PKNOX2: variants seen among roughly 807,000 people sequenced by gnomAD.
PKNOX2 encodes the protein PBX/knotted 1 homeobox 2.
Under a neutral mutation model 53.1 loss-of-function variants are expected in PKNOX2, and 14 were observed. The observed-to-expected ratio is 0.26, with a 90% confidence interval of 0.17 to 0.41. The LOEUF (loss-of-function observed/expected upper bound fraction) is 0.41, where lower values mean the gene tolerates loss of function less well. Among genes scored for constraint, PKNOX2 ranks in the 10% least tolerant of loss-of-function variants. PKNOX2 has a pLI of 1.00. For missense variants in PKNOX2, 496 were observed against 602.8 expected (o/e 0.82, Z 1.85); for synonymous variants, 257 against 242.8 (o/e 1.06, Z -0.54).
intron 1 of PKNOX2, among the ~76,000 whole-genome samples, chr11:125,170,664 C>T (rs1310298303): frequency 2.6e-5 from 4 of 152,208 alleles, no homozygotes; most frequent in African/African-American, 4.8e-5. Flanking sequence ...ACAAGAAGGA[C>T]GTTTCTGCTA....
At chr11:125,168,762 C>T (rs1212152624) in intron 1 of PKNOX2, among the ~76,000 whole-genome samples, 6 of 152,180 alleles carry the variant, frequency 3.9e-5, no homozygotes, top group Non-Finnish European at 7.3e-5. Context: ...CAACGTGCAA[C>T]GTAAACAGCA....
rs1340633049 is a variant in PKNOX2, at chr11:125,257,182, G to C, written c.-130+22067G>C. Among the ~76,000 whole-genome samples the C allele has an allele frequency of 3.3e-5, 5 of 152,140 alleles. No individual in the cohort carries two copies. In the East Asian group the frequency reaches 9.6e-4, roughly 29 times the overall value. ...TTTGCATCTGGGCCTGTTCACAAAT[G>C]ATTGTTCTTGTTTACAAAAGAACAT... On this transcript the variant is annotated intron_variant, in intron 2 of 12. Coordinates refer to ENST00000298282, the MANE Select transcript of PKNOX2 (RefSeq NM_001382323.2).
chr11:125,176,094 C>T (rs1230019480), intron 1 of PKNOX2, among the ~76,000 whole-genome samples: 2 of 152,150 alleles, frequency 1.3e-5, no homozygotes, highest in African/African-American at 4.8e-5. Context: ...CGTGAGTTCC[C>T]CTGGGATTCC....
At chr11:125,367,792 A>G in intron 4 of PKNOX2, 54 bp from the exon 5 acceptor site, 2 of 1,575,914 alleles carry the variant, frequency 1.3e-6, no homozygotes, top group Non-Finnish European at 1.7e-6. Context: ...TACAGCCTGG[A>G]GACCAGCACC....
At chr11:125,298,902 CA>C (rs1947837654) in intron 2 of PKNOX2, among the ~76,000 whole-genome samples, 1 of 152,190 alleles carries the variant, frequency 6.6e-6, no homozygotes, top group South Asian at 2.1e-4. Flanking sequence ...AGACACCTGT[CA>C]CCTTTCTCCA....
At chr11:125,184,017 C>G (rs1389193367) in intron 1 of PKNOX2, among the ~76,000 whole-genome samples, 1 of 152,126 alleles carries the variant, frequency 6.6e-6, no homozygotes, top group African/African-American at 2.4e-5. Context: ...TTCTAGCCAC[C>G]ATGGAGGGAG....
At chr11:125,303,328 G>A (rs1382437098) in intron 2 of PKNOX2, among the ~76,000 whole-genome samples, 1 of 152,154 alleles carries the variant, frequency 6.6e-6, no homozygotes, top group Admixed American at 6.5e-5. Flanking sequence ...GCAAACGGGG[G>A]TACAGGCTGA....
chr11:125,404,083 G>A (rs906010974), intron 7 of PKNOX2, among the ~76,000 whole-genome samples: 7 of 152,176 alleles, frequency 4.6e-5, no homozygotes, highest in African/African-American at 1.7e-4. Flanking sequence ...GCATCCTGAG[G>A]ACAGGACCAG....
At chr11:125,429,937 C>A (rs771774421) in intron 11 of PKNOX2, 26 bp from the exon 12 acceptor site, 2 of 1,607,968 alleles carry the variant, frequency 1.2e-6, no homozygotes, top group Admixed American at 3.4e-5. Flanking sequence ...GATGACTAAC[C>A]AGGTCTCCAC....
intron 11 of PKNOX2, 135 bp downstream of exon 11, chr11:125,429,223 C>G: frequency 1.2e-6 from 1 of 838,472 alleles, no homozygotes; most frequent in Admixed American, 2.5e-5. Flanking sequence ...GCCAGTCCCC[C>G]CATTTAGGCT....
chr11:125,326,701 G>A (rs536278468), intron 2 of PKNOX2, among the ~76,000 whole-genome samples: 1 of 152,334 alleles, frequency 6.6e-6, no homozygotes, highest in African/African-American at 2.4e-5. Flanking sequence ...AGCCGATCAA[G>A]CATCATCAGG....
intron 2 of PKNOX2, among the ~76,000 whole-genome samples, chr11:125,327,986 T>C (rs1263175209): frequency 6.6e-6 from 1 of 152,210 alleles, no homozygotes; most frequent in Non-Finnish European, 1.5e-5. Context: ...GATTCCTCTC[T>C]GAGTTGTAGC....
chr11:125,364,041 C>G (rs540780068), intron 4 of PKNOX2, among the ~76,000 whole-genome samples: 1 of 152,316 alleles, frequency 6.6e-6, no homozygotes, highest in East Asian at 1.9e-4. Context: ...TTAATAGCCA[C>G]GCCCTGCCCC....
intron 1 of PKNOX2, among the ~76,000 whole-genome samples, chr11:125,192,385 T>C (rs1956931218): frequency 6.6e-6 from 1 of 152,158 alleles, no homozygotes; most frequent in Non-Finnish European, 1.5e-5. Context: ...GCAAATTAAG[T>C]CAGGAAACAG....
At chr11:125,184,561 G>T (rs1335599584) in intron 1 of PKNOX2, among the ~76,000 whole-genome samples, 1 of 152,186 alleles carries the variant, frequency 6.6e-6, no homozygotes, top group Non-Finnish European at 1.5e-5. Flanking sequence ...CTGTGTGGTG[G>T]GGCATTGAGC....
chr11:125,362,533 C>A (rs927908135), intron 4 of PKNOX2, among the ~76,000 whole-genome samples: 6 of 152,052 alleles, frequency 3.9e-5, no homozygotes, highest in African/African-American at 1.4e-4. Flanking sequence ...CCGCATCCAG[C>A]CAATTTATTT....
chr11:125,388,696 C>T (rs1213343315), intron 6 of PKNOX2, among the ~76,000 whole-genome samples: 2 of 152,016 alleles, frequency 1.3e-5, no homozygotes, highest in South Asian at 2.1e-4. Flanking sequence ...TCCTCCCCAT[C>T]CCCAGCTGGC....
chr11:125,360,833 C>T (rs370317713), intron 4 of PKNOX2, among the ~76,000 whole-genome samples: 10 of 152,312 alleles, frequency 6.6e-5, no homozygotes, highest in South Asian at 2.1e-4. Context: ...TAATTCTGAA[C>T]ACCCTGTACC....
intron 4 of PKNOX2, among the ~76,000 whole-genome samples, chr11:125,357,776 G>A (rs1002857001): frequency 2.0e-4 from 30 of 152,242 alleles, no homozygotes; most frequent in African/African-American, 5.5e-4. Flanking sequence ...ACTCAATCTC[G>A]TAGAAATTCA....
Sources: gnomAD v4.1 joint callset for allele counts (sites outside exome capture counted in the v4.1 genomes callset) on GRCh38, gnomAD v4.1.1 for gene constraint, MANE v1.5 for transcripts, NCBI Gene and HGNC (gene_info 2026-07-23, HGNC 2026-07-21) for gene names.